Variants in CXADR observed in about 807,000 individuals in gnomAD.
CXADR encodes the protein CXADR cell adhesion molecule.
Under a neutral mutation model 40.3 loss-of-function variants are expected in CXADR, and 20 were observed. The observed-to-expected ratio is 0.50, with a 90% CI of 0.35 to 0.72. CXADR has a LOEUF of 0.72. Ranked by LOEUF, CXADR falls within the 30% of genes least tolerant of loss-of-function variation. The probability of loss-of-function intolerance (pLI) is 0.01; values close to 1 mark genes in which losing one functional copy is unlikely to be tolerated. For missense variants in CXADR, 332 were observed against 449.1 expected, an observed-to-expected ratio of 0.74 and a Z score of 2.36; for synonymous variants, 150 against 161.3, an observed-to-expected ratio of 0.93 and a Z score of 0.53.
At chr21:17,595,751 T>A (rs1034814673), downstream of CXADR, among the ~76,000 whole-genome samples, 1 of 152,044 alleles carries the variant, frequency 6.6e-6, no homozygotes, top group Non-Finnish European at 1.5e-5. Flanking sequence ...CAGTTAATTC[T>A]AATAGAAGGC....
chr21:17,620,893 T>C, the CXADR span, among the ~76,000 whole-genome samples: 2 of 152,170 alleles, frequency 1.3e-5, no homozygotes, highest in Non-Finnish European at 2.9e-5. Flanking sequence ...AAGTTCGAAA[T>C]CTACAGGGCA....
At position 17,566,548 on chromosome 21, in the gene CXADR, G is replaced by A; in HGVS notation, c.*856G>A. The A allele has an allele frequency of 1.4e-5, 14 of 984,626 alleles. No homozygotes were observed. The highest frequency in any genetic ancestry group is 1.7e-5 in the Non-Finnish European group (14 of 829,340). The allele number at this position is 984,626 out of a possible 1,614,324, so 61.0% of individuals were successfully genotyped here. ...AGGATGTAGTATCTCATAGTTCCCA[G>A]GTGATATTTTTCTTATTAGAAAAAT... On this transcript the variant is annotated 3_prime_UTR_variant, in exon 7 of 7. Transcript: ENST00000284878.
intron 1 of CXADR, among the ~76,000 whole-genome samples, chr21:17,515,746 C>T (rs757068771): frequency 7.9e-5 from 12 of 151,166 alleles, no homozygotes; most frequent in Non-Finnish European, 1.8e-4. Flanking sequence ...GCGTAGCTTG[C>T]AGTGAGCCCA....
chr21:17,546,893 G>A, intron 1 of CXADR, 134 bp from the exon 2 acceptor site: 1 of 951,718 alleles, frequency 1.1e-6, no homozygotes, highest in Non-Finnish European at 1.6e-6. Context: ...CTTGAGTTTG[G>A]ACTCCATTCC....
At chr21:17,545,246 A>T (rs1177097050) in intron 1 of CXADR, among the ~76,000 whole-genome samples, 1 of 151,970 alleles carries the variant, frequency 6.6e-6, no homozygotes, top group Non-Finnish European at 1.5e-5. Flanking sequence ...GTTGCTCTTC[A>T]ACAGAAAGTA....
At position 17,547,117 on chromosome 21, in the gene CXADR, T is replaced by C. The variant is rs1457020272; in HGVS notation, c.134T>C (p.Leu45Pro). 3 of 1,614,152 alleles carry C rather than the reference T, an allele frequency of 1.9e-6. No homozygotes were observed. The highest frequency in any genetic ancestry group is 2.2e-5 in the South Asian group (2 of 91,078). ...GCCTATCTGCCATGCAAATTTACGC[T>C]TAGTCCCGAAGACCAGGGACCGCTG... ...ETAYLPCKFT[L>P]SPEDQGPLDI... is the part of the protein sequence containing the mutation. Residue 45 changes from leucine to proline, a missense_variant, in exon 2 of 7, where the codon CTT becomes CCT. Physicochemically the swap from Leu to Pro is moderately conservative, Grantham distance 98 (BLOSUM62 -3). This residue lies in a region of CXADR where 162 missense variants were observed against 198.5 expected (regional missense o/e 0.82). Coordinates refer to ENST00000284878, the MANE Select transcript of CXADR (RefSeq NM_001338.5).
At chr21:17,605,690 C>T in the CXADR span, among the ~76,000 whole-genome samples, 1 of 152,026 alleles carries the variant, frequency 6.6e-6, no homozygotes, top group South Asian at 2.1e-4. Context: ...TTTTTTTAAC[C>T]TATTATACGA....
At chr21:17,528,578 T>C (rs2060629055) in intron 1 of CXADR, among the ~76,000 whole-genome samples, 1 of 151,854 alleles carries the variant, frequency 6.6e-6, no homozygotes, top group South Asian at 2.1e-4. Flanking sequence ...GCTAATTTTT[T>C]GTATTTTTTA....
At position 17,565,853 on chromosome 21, in the gene CXADR, A is replaced by G. The variant is rs1363187473; in HGVS notation, c.*161A>G. 6 of 1,319,472 alleles carry G rather than the reference A, an allele frequency of 4.5e-6. No homozygotes were observed. Among genetic ancestry groups the G allele is most frequent in the African/African-American group, 4.5e-5 (3 of 66,842 alleles). 81.7% of individuals were successfully genotyped at this position (1,319,472 alleles called of 1,614,324 possible). ...TATTTTTAAAAATTTTTGTTTGGTT[A>G]TATCGAAATAGTTACAGGCACTAAA... On this transcript the variant is annotated 3_prime_UTR_variant, in exon 7 of 7. Transcript: ENST00000284878.
chr21:17,631,138 G>A, the CXADR span, among the ~76,000 whole-genome samples: 2 of 152,290 alleles, frequency 1.3e-5, no homozygotes, highest in South Asian at 2.1e-4. Context: ...TAAATAGTTT[G>A]TTACATTAGC....
intron 3 of CXADR, among the ~76,000 whole-genome samples, chr21:17,558,341 G>T (rs1317024746): frequency 6.6e-6 from 1 of 151,972 alleles, no homozygotes; most frequent in Non-Finnish European, 1.5e-5. Flanking sequence ...TGTTACCCAG[G>T]CTGGTCTCAA....
the CXADR span, among the ~76,000 whole-genome samples, chr21:17,632,824 G>A: frequency 9.2e-5 from 14 of 152,160 alleles, no homozygotes; most frequent in African/African-American, 2.6e-4. Context: ...AGCTGAGATC[G>A]CCACCGCACT....
In CXADR at chr21:17,593,123, T is replaced by TA. The variant is rs775296888; in HGVS notation, c.1018-28dup. 8 of 1,390,460 alleles carry TA rather than the reference T, an allele frequency of 5.8e-6. No individual in the cohort carries two copies. The South Asian group carries it at 1.2e-4, about 22-fold the overall frequency. The allele number at this position is 1,390,460 out of a possible 1,614,324, so 86.1% of individuals were successfully genotyped here. A position where few individuals can be genotyped will look rare whatever the true frequency, so the allele number is the denominator to read the frequency against. On this transcript the variant is annotated intron_variant, in intron 7 of 7. Transcript: ENST00000400169. ...CTTTGGAGAAAAATCAAAACTCTTA[T>TA]AGAGATATCTCTTTTTTTCTTTTTG...
At chr21:17,556,206 T>C (rs2061033253) in intron 3 of CXADR, among the ~76,000 whole-genome samples, 1 of 152,208 alleles carries the variant, frequency 6.6e-6, no homozygotes, top group East Asian at 1.9e-4. Context: ...CTCTTTGTGG[T>C]TTTCTTCTGT....
At chr21:17,580,821 GC>G (rs2061355157) in intron 7 of CXADR, among the ~76,000 whole-genome samples, 1 of 152,100 alleles carries the variant, frequency 6.6e-6, no homozygotes, top group Non-Finnish European at 1.5e-5. Flanking sequence ...GGTGATCATG[GC>G]TCACTGCAGC....
At chr21:17,594,142 T>C (rs758831872), downstream of CXADR, 3 of 1,613,192 alleles carry the variant, frequency 1.9e-6, no homozygotes, top group Admixed American at 5.0e-5. Context: ...CCGGTCACAA[T>C]GCATTCCAGG....
chr21:17,513,233 G>A, intron 1 of CXADR, 61 bp downstream of exon 1: 1 of 1,332,444 alleles, frequency 7.5e-7, no homozygotes, highest in South Asian at 2.2e-5. Flanking sequence ...GCTGCCCGCG[G>A]CCACCCAGGA....
chr21:17,560,654 AATAC>A lies in CXADR; in HGVS notation c.572-43_572-40del, dbSNP rs756856248. On this transcript the variant is annotated intron_variant, in intron 4 of 6. Coordinates refer to ENST00000284878, the MANE Select transcript of CXADR (RefSeq NM_001338.5). ...ACTATGTTTACTAACACCTGATAAC[AATAC>A]ATACTATAAAAATGAGTTTGTTTTC... 2.6e-6 allele frequency: 4 copies of A among 1,567,900 alleles called. No homozygotes were observed. In the Admixed American group the frequency reaches 6.7e-5, roughly 26 times the overall value.
Position 17,539,026 on chromosome 21 carries a change from C to T in CXADR, c.44-8001C>T, listed in dbSNP as rs75833947. 1.1e-3 allele frequency among the ~76,000 whole-genome samples: 173 copies of T among 151,878 alleles called. 5 individuals carry two copies. In the East Asian group the frequency reaches 0.031, roughly 27 times the overall value. ...ACATAGTATGCTTTGAATGAGTGAA[C>T]GTTGATACCCTGCTGCCTTTCATTT... On this transcript the variant is annotated intron_variant, in intron 1 of 6. Coordinates refer to ENST00000284878, the MANE Select transcript of CXADR (RefSeq NM_001338.5).
Sources: allele counts gnomAD v4.1 joint callset (sites outside exome capture counted in the v4.1 genomes callset), GRCh38; gene constraint gnomAD v4.1.1; regional missense constraint gnomAD v4.1.1; transcripts MANE v1.5; gene names NCBI Gene and HGNC (gene_info 2026-07-23, HGNC 2026-07-21).